INSL6: variants seen among roughly 807,000 people sequenced by gnomAD.
INSL6 encodes the protein insulin-like peptide INSL6.
In INSL6, 16 loss-of-function variants were observed where a neutral mutation model predicts 9.4. That is an observed-to-expected ratio of 1.70 (90% CI 1.15 to 2.59). The LOEUF (loss-of-function observed/expected upper bound fraction) is 2.59, where lower values mean the gene tolerates loss of function less well. Among genes scored for constraint, INSL6 ranks in the 30% most tolerant of loss-of-function variants. The pLI is 0.00. For synonymous variants in INSL6, 154 were observed against 96.9 expected, an observed-to-expected ratio of 1.59 and a Z score of -3.46; for missense variants, 391 against 257.3, an observed-to-expected ratio of 1.52 and a Z score of -3.56.
At chr9:5,105,994 T>C in the INSL6 span, among the ~76,000 whole-genome samples, 7 of 88,198 alleles carry the variant, frequency 7.9e-5, no homozygotes, top group South Asian at 2.1e-3. Context: ...ATTCAGGACA[T>C]AGGTGTGGGC....
intron 1 of INSL6, among the ~76,000 whole-genome samples, chr9:5,168,425 T>C (rs569163576): frequency 1.5e-3 from 230 of 152,236 alleles, no homozygotes; most frequent in Non-Finnish European, 2.3e-3. Flanking sequence ...AACTTCACGA[T>C]GCAAACACAA....
chr9:5,163,134 A>T (rs1189386532), downstream of INSL6, among the ~76,000 whole-genome samples: 11 of 152,196 alleles, frequency 7.2e-5, no homozygotes, highest in African/African-American at 2.4e-4. Flanking sequence ...TATTAAACAC[A>T]GATTGCTGAC....
chr9:5,060,521 G>A, the INSL6 span, among the ~76,000 whole-genome samples: 20 of 152,256 alleles, frequency 1.3e-4, no homozygotes, highest in South Asian at 3.9e-3. Flanking sequence ...TCCATCTCAA[G>A]AAACCATTTT....
At chr9:5,093,413 G>T in the INSL6 span, among the ~76,000 whole-genome samples, 1 of 152,164 alleles carries the variant, frequency 6.6e-6, no homozygotes, top group African/African-American at 2.4e-5. Context: ...TAGGGACTTA[G>T]AAGAATGGCC....
At chr9:5,078,414 G>A in the INSL6 span, 21 of 1,612,844 alleles carry the variant, frequency 1.3e-5, no homozygotes, top group East Asian at 2.2e-5. Context: ...TAGTGATCCT[G>A]GCATTAGTAT....
At chr9:5,115,519 C>G in the INSL6 span, among the ~76,000 whole-genome samples, 1 of 152,130 alleles carries the variant, frequency 6.6e-6, no homozygotes, top group Non-Finnish European at 1.5e-5. Flanking sequence ...CTCCAGGATC[C>G]AGAGTTAGAA....
the INSL6 span, among the ~76,000 whole-genome samples, chr9:5,021,809 TTTTTGTAGAGA>T: frequency 6.6e-6 from 1 of 152,112 alleles, no homozygotes; most frequent in Non-Finnish European, 1.5e-5. Flanking sequence ...CTTTTGTATG[TTTTTGTAGAGA>T]TGAGGTTTCA....
chr9:5,089,909 G>C, the INSL6 span: 19 of 1,297,288 alleles, frequency 1.5e-5, no homozygotes, highest in Admixed American at 2.8e-5. Context: ...GTATGTGTTT[G>C]GCATCCTGTG....
chr9:5,113,865 C>CA, the INSL6 span: 1 of 209,464 alleles, frequency 4.8e-6, no homozygotes, highest in African/African-American at 2.3e-5. Context: ...CCAGGGACTT[C>CA]ACCCTCCCCA....
At chr9:5,046,428 A>G in the INSL6 span, among the ~76,000 whole-genome samples, 14 of 152,030 alleles carry the variant, frequency 9.2e-5, no homozygotes, top group African/African-American at 3.4e-4. Context: ...TAATTTATCT[A>G]TTTTTTGTTT....
At chr9:5,064,873 C>A in the INSL6 span, 2 of 1,518,988 alleles carry the variant, frequency 1.3e-6, no homozygotes, top group South Asian at 1.3e-5. Flanking sequence ...TTTTTCTTTT[C>A]TCTGCTTAGG....
chr9:5,009,672 A>C, the INSL6 span, among the ~76,000 whole-genome samples: 1 of 152,128 alleles, frequency 6.6e-6, no homozygotes, highest in Admixed American at 6.5e-5. Flanking sequence ...AACTGTAATA[A>C]TCCTTGATAA....
chr9:5,065,056 T>C, the INSL6 span: 1 of 1,494,820 alleles, frequency 6.7e-7, no homozygotes. Context: ...TAATACAGAC[T>C]TAAAAGTAAA....
chr9:5,098,538 A>G, the INSL6 span: 11 of 152,206 alleles, frequency 7.2e-5, no homozygotes, highest in African/African-American at 2.2e-4. Context: ...TGTTTGAACT[A>G]TCTTACCTGC....
chr9:5,095,582 A>G, the INSL6 span, among the ~76,000 whole-genome samples: 16 of 152,120 alleles, frequency 1.1e-4, no homozygotes, highest in Admixed American at 5.9e-4. Context: ...GAAGTAACCC[A>G]GGGAACTTCT....
intron 2 of INSL6, among the ~76,000 whole-genome samples, chr9:5,147,675 T>A (rs528227926): frequency 2.7e-4 from 41 of 152,364 alleles, no homozygotes; most frequent in Non-Finnish European, 5.3e-4. Flanking sequence ...ATTCTCTTTC[T>A]CTCTCAGGAA....
chr9:5,060,688 C>T, the INSL6 span, among the ~76,000 whole-genome samples: 1 of 152,180 alleles, frequency 6.6e-6, no homozygotes, highest in African/African-American at 2.4e-5. Context: ...TCAAAGTCAT[C>T]CATGAGGGTT....
At chr9:5,041,506 C>T in the INSL6 span, 7 of 570,628 alleles carry the variant, frequency 1.2e-5, no homozygotes, top group Non-Finnish European at 1.7e-5. Flanking sequence ...ATCGGGGACA[C>T]ATAGCGCGCC....
intron 1 of INSL6, among the ~76,000 whole-genome samples, chr9:5,178,593 C>T (rs929361850): frequency 1.3e-5 from 2 of 152,186 alleles, no homozygotes; most frequent in Non-Finnish European, 1.5e-5. Context: ...CATCACACTA[C>T]CCAACTTCAA....
Sources: allele counts gnomAD v4.1 joint callset (sites outside exome capture counted in the v4.1 genomes callset), GRCh38; gene constraint gnomAD v4.1.1; transcripts MANE v1.5; gene names NCBI Gene and HGNC (gene_info 2026-07-23, HGNC 2026-07-21).